Variants in DERA observed in about 807,000 individuals in gnomAD.
DERA encodes deoxyribose-phosphate aldolase.
Under a neutral mutation model 41.1 loss-of-function variants are expected in DERA, and 15 were observed. That is an observed-to-expected ratio of 0.37 (90% CI 0.24 to 0.56). The LOEUF is 0.56. DERA is among the 20% of genes least tolerant of loss of function. DERA has a pLI of 0.81. For missense variants in DERA, 396 were observed against 403.4 expected (o/e 0.98, Z 0.16); for synonymous variants, 139 against 137.4 (o/e 1.01, Z -0.08).
Position 15,981,925 on chromosome 12 carries a change from A to AT in DERA, c.509-374dup, listed in dbSNP as rs1381422301. Among the ~76,000 whole-genome samples the AT allele has an allele frequency of 1.1e-4, 17 of 151,910 alleles. No homozygotes were observed. Among genetic ancestry groups the AT allele is most frequent in the Middle Eastern group, 3.4e-3 (1 of 294 alleles). On this transcript the variant is annotated intron_variant, in intron 5 of 8. Transcript: ENST00000428559. The surrounding 1 kb of genome is among the most constrained non-coding windows in gnomAD (Gnocchi z 6.1). ...ATGGAAGAATTAATAAGAACCTAAGATTTTTTTTTATTACTTTGCAAAGGG... is the reference window on the plus strand; with the variant it reads ...ATGGAAGAATTAATAAGAACCTAAGATTTTTTTTTTATTACTTTGCAAAGGG...
Position 15,995,137 on chromosome 12 carries a change from A to G in DERA, c.637+12701A>G, listed in dbSNP as rs1470979162. On this transcript the variant is annotated intron_variant, in intron 6 of 8. Coordinates refer to ENST00000428559, the MANE Select transcript of DERA (RefSeq NM_015954.4). The surrounding 1 kb of genome is among the most constrained non-coding windows in gnomAD (Gnocchi z 5.1). ...CAGATAATATTTATAAGCTGTGTTT[A>G]ACTTTTGGAGGCACAGATGTTTCTA... 2.0e-5 allele frequency among the ~76,000 whole-genome samples: 3 copies of G among 152,182 alleles called. No homozygotes were observed. The highest frequency in any genetic ancestry group is 4.4e-5 in the Non-Finnish European group (3 of 68,034).
rs913628714 is a variant in DERA at position 15,940,074 on chromosome 12, T to C, written c.32-16862T>C. Among the ~76,000 whole-genome samples the C allele has an allele frequency of 3.3e-5, 5 of 152,204 alleles. No homozygotes were observed. Among genetic ancestry groups the C allele is most frequent in the Non-Finnish European group, 7.3e-5 (5 of 68,028 alleles). Reference sequence around the variant, plus strand: ...CCATGATACTACAACAAAATTTGTATCCATGTTGTCACTGCAAAATCACAT... The same window carrying C: ...CCATGATACTACAACAAAATTTGTACCCATGTTGTCACTGCAAAATCACAT... On this transcript the variant is annotated intron_variant, in intron 1 of 8. Transcript: ENST00000428559. This position sits in a 1 kb window ranked among gnomAD's most constrained non-coding sequence, Gnocchi z 5.1.
intron 6 of DERA, among the ~76,000 whole-genome samples, chr12:16,016,706 C>T (rs10846266): frequency 7.0e-6 from 1 of 141,964 alleles, no homozygotes; most frequent in Non-Finnish European, 1.5e-5. Flanking sequence ...GCAAGAGGAT[C>T]TCTTGAACCC....
chr12:15,983,047 T>C lies in DERA; in HGVS notation c.637+611T>C, dbSNP rs1473985192. On this transcript the variant is annotated intron_variant, in intron 6 of 8. Transcript: ENST00000428559. The surrounding 1 kb of genome is among the most constrained non-coding windows in gnomAD (Gnocchi z 6.2). Reference sequence around the variant, plus strand: ...CCTTGAGAGTTCTCTCTAGACCTCTTTGCTGTGTCTGACACATCTTCCCTC... The same window carrying C: ...CCTTGAGAGTTCTCTCTAGACCTCTCTGCTGTGTCTGACACATCTTCCCTC... Among the ~76,000 whole-genome samples the C allele has an allele frequency of 6.6e-6, 1 of 152,180 alleles. No homozygotes were observed. Among genetic ancestry groups the C allele is most frequent in the Non-Finnish European group, 1.5e-5 (1 of 68,028 alleles).
rs535040230 is a variant in DERA at position 15,967,072 on chromosome 12, G to A, written c.508+4125G>A. ...ATTTTGGAAATAAATCTATTAGGCC[G>A]GGCACAGTGGCTTATGCCTGTAATC... On this transcript the variant is annotated intron_variant, in intron 5 of 8. Coordinates refer to ENST00000428559, the MANE Select transcript of DERA (RefSeq NM_015954.4). This position sits in a 1 kb window ranked among gnomAD's most constrained non-coding sequence, Gnocchi z 4.9. Among the ~76,000 whole-genome samples the A allele has an allele frequency of 4.6e-5, 7 of 152,032 alleles. No homozygotes were observed. Among genetic ancestry groups the A allele is most frequent in the South Asian group, 2.1e-4 (1 of 4,806 alleles).
intron 6 of DERA, among the ~76,000 whole-genome samples, chr12:16,023,162 A>T (rs1361302287): frequency 6.6e-6 from 1 of 152,172 alleles, no homozygotes; most frequent in African/African-American, 2.4e-5. Context: ...CTCCTCCCTC[A>T]TCTGTTACCA....
intron 5 of DERA, among the ~76,000 whole-genome samples, chr12:15,968,614 C>A (rs1418009842): frequency 6.6e-6 from 1 of 152,256 alleles, no homozygotes; most frequent in Non-Finnish European, 1.5e-5. Flanking sequence ...TGGCTGGAAT[C>A]TTGGCTCTAC....
Position 15,992,275 on chromosome 12 carries a change from A to G in DERA, c.637+9839A>G, listed in dbSNP as rs1177965789. ...AGCAAAAAGAAATTTGAAAATTTAG[A>G]TGCCTCTTTCCAGATGTGCCAAAAT... On this transcript the variant is annotated intron_variant, in intron 6 of 8. Transcript: ENST00000428559. The surrounding 1 kb of genome is among the most constrained non-coding windows in gnomAD (Gnocchi z 4.3). Among the ~76,000 whole-genome samples the G allele has an allele frequency of 6.6e-6, 1 of 152,180 alleles. No homozygotes were observed. Among genetic ancestry groups the G allele is most frequent in the Non-Finnish European group, 1.5e-5 (1 of 67,994 alleles).
At position 16,009,829 on chromosome 12, in the gene DERA, T is replaced by C. The variant is rs1422139180; in HGVS notation, c.638-22713T>C. On this transcript the variant is annotated intron_variant, in intron 6 of 8. Coordinates refer to ENST00000428559, the MANE Select transcript of DERA (RefSeq NM_015954.4). The surrounding 1 kb of genome is among the most constrained non-coding windows in gnomAD (Gnocchi z 5.3). ...ATTATACAGGAAGTATTAAAGATAT[T>C]AAATATGTATCAAAAATTTAAAATG... Among the ~76,000 whole-genome samples the C allele has an allele frequency of 2.6e-5, 4 of 152,204 alleles. No homozygotes were observed. The highest frequency in any genetic ancestry group is 1.5e-5 in the Non-Finnish European group (1 of 68,042).
intron 6 of DERA, among the ~76,000 whole-genome samples, chr12:15,987,841 T>TTGGCTCACACTGCTGGCC (rs1244459937): frequency 6.6e-6 from 1 of 152,054 alleles, no homozygotes; most frequent in Non-Finnish European, 1.5e-5. Flanking sequence ...CAGGCTGCAC[T>TTGGCTCACACTGCTGGCC]TGGCTCACAC....
chr12:15,926,065 C>T (rs1006964420), intron 1 of DERA, among the ~76,000 whole-genome samples: 3 of 151,794 alleles, frequency 2.0e-5, no homozygotes, highest in Admixed American at 6.6e-5. Context: ...TCAGGTGATC[C>T]GCCCGCCTCA....
chr12:15,958,149 T>A lies in DERA; in HGVS notation c.130-39T>A, dbSNP rs747202442. The A allele has an allele frequency of 4.7e-6, 7 of 1,502,676 alleles. No homozygotes were observed. In the East Asian group the frequency reaches 1.7e-4, roughly 37 times the overall value. 93.1% of individuals were successfully genotyped at this position (1,502,676 alleles called of 1,614,324 possible). A position where few individuals can be genotyped will look rare whatever the true frequency, so the allele number is the denominator to read the frequency against. On this transcript the variant is annotated intron_variant, in intron 2 of 8. Transcript: ENST00000428559. Reference sequence around the variant, plus strand: ...GTTGGAGGTTGGTTGGTTTGTTTATTTATTAAATTTACTTTGTTTTCACTT... The same window carrying A: ...GTTGGAGGTTGGTTGGTTTGTTTATATATTAAATTTACTTTGTTTTCACTT...
intron 1 of DERA, among the ~76,000 whole-genome samples, chr12:15,949,051 C>T (rs1045205507): frequency 1.3e-5 from 2 of 152,176 alleles, no homozygotes; most frequent in African/African-American, 4.8e-5. Flanking sequence ...TCTGATCGTT[C>T]CTCTGGGAGC....
At chr12:16,007,028 G>A (rs879741702) in intron 6 of DERA, among the ~76,000 whole-genome samples, 1 of 152,108 alleles carries the variant, frequency 6.6e-6, no homozygotes, top group Admixed American at 6.5e-5. Context: ...GTACCTCGCC[G>A]ATAGTAAGTG....
In DERA at chr12:16,013,719, G is replaced by A. The variant is rs992407231; in HGVS notation, c.638-18823G>A. On this transcript the variant is annotated intron_variant, in intron 6 of 8. Transcript: ENST00000428559. This position sits in a 1 kb window ranked among gnomAD's most constrained non-coding sequence, Gnocchi z 5.8. The stretch of plus-strand genomic sequence containing the variant: ...CAACTTTGGAACTGGTTAACAGGAA[G>A]AGGTTGGAACAGTTTGGAGGGCTCA... 5.3e-5 allele frequency among the ~76,000 whole-genome samples: 8 copies of A among 152,250 alleles called. No homozygotes were observed. The South Asian group carries it at 1.0e-3, about 20-fold the overall frequency.
Position 15,957,096 on chromosome 12 carries a change from GC to G in DERA, c.129+65del. On this transcript the variant is annotated intron_variant, in intron 2 of 8. Transcript: ENST00000428559. The surrounding 1 kb of genome is among the most constrained non-coding windows in gnomAD (Gnocchi z 4.8). Reference sequence around the variant, plus strand: ...ACAATGCATGGTCTCTTCCCTCAAGGCCACAATATTGAATTTCACTCAAGAT... The same window carrying G: ...ACAATGCATGGTCTCTTCCCTCAAGGCACAATATTGAATTTCACTCAAGAT... The G allele has an allele frequency of 7.9e-7, 1 of 1,260,716 alleles. No individual in the cohort carries two copies. Among genetic ancestry groups the G allele is most frequent in the Non-Finnish European group, 1.2e-6 (1 of 866,906 alleles). 78.1% of individuals were successfully genotyped at this position (1,260,716 alleles called of 1,614,324 possible).
intron 5 of DERA, among the ~76,000 whole-genome samples, chr12:15,978,340 G>T (rs779974622): frequency 3.3e-5 from 5 of 152,142 alleles, no homozygotes; most frequent in Admixed American, 6.6e-5. Flanking sequence ...GCTTTCATAA[G>T]TATTAGGACA....
rs1316564031 is a variant in DERA, at chr12:16,036,968, A to G, written c.*222A>G. On this transcript the variant is annotated 3_prime_UTR_variant, in exon 9 of 9. Transcript: ENST00000428559. This position sits in a 1 kb window ranked among gnomAD's most constrained non-coding sequence, Gnocchi z 4.9. ...TGATCTTAATTACTAGAAGATCTGC[A>G]CTATTAACTTTGTGAAGAGTTTCTC... 1.3e-5 allele frequency: 6 copies of G among 477,788 alleles called. No individual in the cohort carries two copies. Among genetic ancestry groups the G allele is most frequent in the Admixed American group, 4.0e-5 (1 of 24,692 alleles). The allele number at this position is 477,788 out of a possible 1,614,324, so 29.6% of individuals were successfully genotyped here. A position where few individuals can be genotyped will look rare whatever the true frequency, so the allele number is the denominator to read the frequency against.
rs954431023 is a variant in DERA, at chr12:15,935,500, G to A, written c.32-21436G>A. On this transcript the variant is annotated intron_variant, in intron 1 of 8. Transcript: ENST00000428559. The surrounding 1 kb of genome is among the most constrained non-coding windows in gnomAD (Gnocchi z 4.8). Reference sequence around the variant, plus strand: ...AGACCCTGTCTCAAAAAAATAAAAAGTTTCACTATAATTTTTAAAAAGAAA... The same window carrying A: ...AGACCCTGTCTCAAAAAAATAAAAAATTTCACTATAATTTTTAAAAAGAAA... 6.6e-6 allele frequency among the ~76,000 whole-genome samples: 1 copy of A among 151,860 alleles called. No individual in the cohort carries two copies. Among genetic ancestry groups the A allele is most frequent in the Non-Finnish European group, 1.5e-5 (1 of 67,964 alleles).
Sources: allele counts gnomAD v4.1 joint callset (sites outside exome capture counted in the v4.1 genomes callset), GRCh38; gene constraint gnomAD v4.1.1; non-coding constraint Gnocchi (gnomAD v3.1); transcripts MANE v1.5; gene names NCBI Gene and HGNC (gene_info 2026-07-23, HGNC 2026-07-21).